The following KIF1B variants were observed in gnomAD, a reference collection of about 807,000 sequenced individuals.
The protein encoded by KIF1B is kinesin family member 1B, also known as kinesin-like protein KIF1B.
Under a neutral mutation model 241.9 loss-of-function variants are expected in KIF1B, and 76 were observed. The observed-to-expected ratio is 0.31, with a 90% CI of 0.26 to 0.38. The LOEUF (loss-of-function observed/expected upper bound fraction) is 0.38. Among genes scored for constraint, KIF1B ranks in the 10% least tolerant of loss-of-function variants. KIF1B has a pLI of 1.00. For synonymous variants in KIF1B, 750 were observed against 796.7 expected (o/e 0.94, Z 0.99); for missense variants, 1,622 against 2,271.4 (o/e 0.71, Z 5.81).
intron 2 of KIF1B, among the ~76,000 whole-genome samples, chr1:10,240,499 C>T (rs1647121109): frequency 6.6e-6 from 1 of 152,172 alleles, no homozygotes; most frequent in African/African-American, 2.4e-5. Context: ...TGAGCCACCA[C>T]ACCCGGCCTG....
At chr1:10,294,070 A>G (rs1408977197) in intron 17 of KIF1B, among the ~76,000 whole-genome samples, 5 of 152,204 alleles carry the variant, frequency 3.3e-5, no homozygotes, top group African/African-American at 7.2e-5. Flanking sequence ...CTCTTTAACC[A>G]TCTTTTATAG....
intron 17 of KIF1B, among the ~76,000 whole-genome samples, chr1:10,293,393 ATTTT>A (rs34521613): frequency 4.7e-5 from 6 of 128,630 alleles, no homozygotes; most frequent in African/African-American, 6.4e-5. Context: ...CTGTGAGGAA[ATTTT>A]TTTTTTTTTT....
chr1:10,217,343 CTTTTT>C lies in KIF1B; in HGVS notation c.-80+6477_-80+6481del, dbSNP rs769372780. Among the ~76,000 whole-genome samples, 40 of 131,992 alleles carry C rather than the reference CTTTTT, an allele frequency of 3.0e-4. 1 individual carries two copies. In the East Asian group the frequency reaches 5.9e-3, roughly 20 times the overall value. 86.6% of individuals were successfully genotyped at this position (131,992 alleles called of 152,430 possible). On this transcript the variant is annotated intron_variant, in intron 1 of 48. Transcript: ENST00000676179. ...GCACTTGCTCTTACTCTTTCTTTTT[CTTTTT>C]TTTTTTTTTTTGAGACAGCCTTGCT...
rs915586641 is a variant in KIF1B at position 10,303,446 on chromosome 1, A to T, written c.2115+6200A>T. ...GAGGTTGCTCTCAATGACTTCAGGC[A>T]CAGTCGGCAGGAGATTGAAGCCCTG... On this transcript the variant is annotated intron_variant, in intron 22 of 48. Transcript: ENST00000676179. This position sits in a 1 kb window ranked among gnomAD's most constrained non-coding sequence, Gnocchi z 5.2. 6.2e-7 allele frequency: 1 copy of T among 1,614,240 alleles called. No individual in the cohort carries two copies. The highest frequency in any genetic ancestry group is 8.5e-7 in the Non-Finnish European group (1 of 1,180,042).
chr1:10,343,386 C>A, intron 34 of KIF1B, 99 bp downstream of exon 34: 1 of 1,092,166 alleles, frequency 9.2e-7, no homozygotes, highest in East Asian at 2.5e-5. Context: ...AATTCCTATT[C>A]TTCTATATAT....
At chr1:10,289,400 C>T (rs929009897) in intron 15 of KIF1B, among the ~76,000 whole-genome samples, 3 of 152,130 alleles carry the variant, frequency 2.0e-5, no homozygotes, top group African/African-American at 7.2e-5. Flanking sequence ...CTCAGCATAC[C>T]CACATGGCAG....
chr1:10,212,127 C>T (rs993865218), intron 1 of KIF1B, among the ~76,000 whole-genome samples: 5 of 152,124 alleles, frequency 3.3e-5, no homozygotes, highest in African/African-American at 1.2e-4. Flanking sequence ...TTGAACATTC[C>T]GCTTTGTGTC....
chr1:10,367,640 T>G (rs1043272012), intron 43 of KIF1B, among the ~76,000 whole-genome samples: 2 of 151,740 alleles, frequency 1.3e-5, no homozygotes, highest in African/African-American at 4.8e-5. Flanking sequence ...GTTCAAGCGG[T>G]TCTTCTGCCT....
chr1:10,218,443 CAG>C (rs1389129571), intron 1 of KIF1B, among the ~76,000 whole-genome samples: 1 of 150,428 alleles, frequency 6.6e-6, no homozygotes, highest in African/African-American at 2.4e-5. Context: ...TTTTTTGAGA[CAG>C]AGTCTCGCTC....
intron 5 of KIF1B, among the ~76,000 whole-genome samples, chr1:10,263,629 C>A (rs1466927439): frequency 6.6e-6 from 1 of 152,084 alleles, no homozygotes; most frequent in Non-Finnish European, 1.5e-5. Flanking sequence ...CTGTCATACA[C>A]CAAAAAGAGA....
In KIF1B at chr1:10,379,048, A is replaced by C. The variant is rs916639170; in HGVS notation, c.*2461A>C. The C allele has an allele frequency of 1.7e-5, 4 of 230,962 alleles. No individual in the cohort carries two copies. Among genetic ancestry groups the C allele is most frequent in the Non-Finnish European group, 3.4e-5 (4 of 116,592 alleles). The allele number at this position is 230,962 out of a possible 1,614,324, so 14.3% of individuals were successfully genotyped here. A position where few individuals can be genotyped will look rare whatever the true frequency, so the allele number is the denominator to read the frequency against. On this transcript the variant is annotated 3_prime_UTR_variant, in exon 49 of 49. Coordinates refer to ENST00000676179, the MANE Select transcript of KIF1B (RefSeq NM_001365951.3). Reference sequence around the variant, plus strand: ...CAGCAGGATCTGTCGGTGCTTAGAGATGGCTGCCTGGACTGGAATCAAATC... The same window carrying C: ...CAGCAGGATCTGTCGGTGCTTAGAGCTGGCTGCCTGGACTGGAATCAAATC...
chr1:10,248,373 G>C (rs1475223700), intron 2 of KIF1B, among the ~76,000 whole-genome samples: 3 of 152,034 alleles, frequency 2.0e-5, no homozygotes, highest in Non-Finnish European at 4.4e-5. Flanking sequence ...CTAATTTTTT[G>C]TATTTTTAGT....
intron 22 of KIF1B, among the ~76,000 whole-genome samples, chr1:10,301,273 AT>A (rs1462184793): frequency 6.6e-6 from 1 of 152,228 alleles, no homozygotes; most frequent in Non-Finnish European, 1.5e-5. Flanking sequence ...TGAATAAAAG[AT>A]TGACTGTTAG....
In KIF1B at chr1:10,273,032, G is replaced by A; in HGVS notation, c.882+1G>A. ...CCTGTAGGATAACTGCACTAGCAAG[G>A]TACAGTGGGGATTGGTAGAGATAAA... On this transcript the variant is annotated splice_donor_variant, in intron 10 of 48. Transcript: ENST00000676179. LOFTEE classifies it high-confidence loss of function. The A allele has an allele frequency of 3.2e-6, 5 of 1,544,444 alleles. No homozygotes were observed. Among genetic ancestry groups the A allele is most frequent in the Non-Finnish European group, 4.4e-6 (5 of 1,142,010 alleles).
At position 10,326,320 on chromosome 1, in the gene KIF1B, C is replaced by T. The variant is rs762619916; in HGVS notation, c.2885C>T (p.Pro962Leu). The change falls in exon 27 of 49, where the codon CCG becomes CTG. Residue 962 changes from proline (P) to leucine (L), a missense_variant. Around this residue, in one of 7 missense-constraint regions of KIF1B, gnomAD observed 803 missense variants for 1,112.0 expected, o/e 0.72. Coordinates refer to ENST00000676179, the MANE Select transcript of KIF1B (RefSeq NM_001365951.3). The surrounding 1 kb of genome is among the most constrained non-coding windows in gnomAD (Gnocchi z 5.2). Reference sequence around the variant, plus strand: ...GATCTCTTCAGTGACGGGCATGACCCGTTTTACGACCGATCCCCTTGGTTC... The same window carrying T: ...GATCTCTTCAGTGACGGGCATGACCTGTTTTACGACCGATCCCCTTGGTTC... ...GSDLFSDGHD[P>L]FYDRSPWFIL... 2.5e-6 allele frequency: 4 copies of T among 1,614,176 alleles called. No homozygotes were observed. Among genetic ancestry groups the T allele is most frequent in the Non-Finnish European group, 2.5e-6 (3 of 1,180,038 alleles).
At chr1:10,288,397 A>G (rs1412806778) in intron 15 of KIF1B, among the ~76,000 whole-genome samples, 1 of 152,052 alleles carries the variant, frequency 6.6e-6, no homozygotes, top group African/African-American at 2.4e-5. Context: ...TTTGTTCTCC[A>G]TTTGTGGGGC....
Position 10,296,587 on chromosome 1 carries a change from G to A in KIF1B, c.1783G>A (p.Val595Met), listed in dbSNP as rs1031435652. 7 of 1,612,848 alleles carry A rather than the reference G, an allele frequency of 4.3e-6. No homozygotes were observed. The highest frequency in any genetic ancestry group is 5.1e-6 in the Non-Finnish European group (6 of 1,179,236). The change falls in exon 20 of 49, where the codon GTG becomes ATG. Residue 595 changes from valine (V) to methionine (M), a missense_variant. Physicochemically the swap from Val to Met is conservative, Grantham distance 21 (BLOSUM62 1). This residue lies in a region of KIF1B where 44 missense variants were observed against 28.6 expected (regional missense o/e 1.54). Transcript: ENST00000676179. Reference sequence around the variant, plus strand: ...TTTGTGTTTGTTCCTCTTAGTTATCGTGACCTTAGAGCCCTGTGAGCGCTC... The same window carrying A: ...TTTGTGTTTGTTCCTCTTAGTTATCATGACCTTAGAGCCCTGTGAGCGCTC... ...SERSNSGEVIVTLEPCERSET... is the reference protein window; with the variant it reads ...SERSNSGEVIMTLEPCERSET...
Position 10,378,302 on chromosome 1 carries a change from G to T in KIF1B, c.*1715G>T, listed in dbSNP as rs755083691. 21 of 717,758 alleles carry T rather than the reference G, an allele frequency of 2.9e-5. No homozygotes were observed. In the South Asian group the frequency reaches 3.0e-4, roughly 10 times the overall value. 44.5% of individuals were successfully genotyped at this position (717,758 alleles called of 1,614,324 possible). ...GAAACACTGCCCAGGGAGAAAGGAG[G>T]AAGCTCACTGTGGACAGTCTTCTTT... On this transcript the variant is annotated 3_prime_UTR_variant, in exon 49 of 49. Coordinates refer to ENST00000676179, the MANE Select transcript of KIF1B (RefSeq NM_001365951.3).
intron 1 of KIF1B, among the ~76,000 whole-genome samples, chr1:10,219,198 A>G (rs905250435): frequency 9.2e-5 from 14 of 152,240 alleles, no homozygotes; most frequent in Admixed American, 7.9e-4. Flanking sequence ...GCGGTGGCTC[A>G]TGCCTGTAAT....
Sources: gnomAD v4.1 joint callset for allele counts (sites outside exome capture counted in the v4.1 genomes callset) on GRCh38, gnomAD v4.1.1 for gene constraint, gnomAD v4.1.1 regional missense constraint, Gnocchi (gnomAD v3.1) non-coding constraint, MANE v1.5 for transcripts, NCBI Gene and HGNC (gene_info 2026-07-23, HGNC 2026-07-21) for gene names.